Variants in MGAT4C observed in about 807,000 individuals in gnomAD.
MGAT4C encodes MGAT4 family member C.
A neutral mutation model predicts 40.1 loss-of-function variants in MGAT4C; 19 were observed. That is an observed-to-expected ratio of 0.47 (90% CI 0.33 to 0.70). MGAT4C has a LOEUF of 0.70. Among genes scored for constraint, MGAT4C ranks in the 30% least tolerant of loss-of-function variants. The probability of loss-of-function intolerance (pLI) is 0.02; values close to 1 mark genes in which losing one functional copy is unlikely to be tolerated. For synonymous variants in MGAT4C, 181 were observed against 187.1 expected (o/e 0.97, Z 0.27); for missense variants, 491 against 563.2 (o/e 0.87, Z 1.30).
intron 3 of MGAT4C, among the ~76,000 whole-genome samples, chr12:86,382,695 G>A (rs1351841527): frequency 1.3e-5 from 2 of 152,188 alleles, no homozygotes; most frequent in South Asian, 2.1e-4. Flanking sequence ...GCAGTCTAGG[G>A]ACTTGGTGCC....
At chr12:86,672,925 A>G (rs1373745145) in intron 2 of MGAT4C, among the ~76,000 whole-genome samples, 1 of 152,126 alleles carries the variant, frequency 6.6e-6, no homozygotes, top group Non-Finnish European at 1.5e-5. Context: ...TATTATTTAG[A>G]TTTAAAAAGA....
At chr12:86,754,970 C>T (rs1326575452) in intron 1 of MGAT4C, among the ~76,000 whole-genome samples, 1 of 152,006 alleles carries the variant, frequency 6.6e-6, no homozygotes, top group East Asian at 1.9e-4. Flanking sequence ...TTCTTCACAA[C>T]ACAATGATGA....
intron 3 of MGAT4C, among the ~76,000 whole-genome samples, chr12:85,987,282 G>A (rs1162357097): frequency 2.0e-5 from 3 of 149,406 alleles, no homozygotes; most frequent in African/African-American, 7.3e-5. Context: ...GGCTACAGGC[G>A]CCCGCCACTA....
At chr12:86,025,178 C>T (rs190260757) in intron 2 of MGAT4C, among the ~76,000 whole-genome samples, 258 of 150,794 alleles carry the variant, frequency 1.7e-3, no homozygotes, top group Middle Eastern at 7.0e-3. Context: ...TTTTTCAATT[C>T]CCCCCATGGT....
chr12:86,077,922 G>T (rs1052341165), intron 1 of MGAT4C, among the ~76,000 whole-genome samples: 1 of 152,168 alleles, frequency 6.6e-6, no homozygotes, highest in Admixed American at 6.5e-5. Flanking sequence ...TGCAGAAGGA[G>T]CCCAAAATGT....
At chr12:86,678,832 T>G (rs1250481698) in intron 2 of MGAT4C, among the ~76,000 whole-genome samples, 1 of 152,122 alleles carries the variant, frequency 6.6e-6, no homozygotes, top group Non-Finnish European at 1.5e-5. Context: ...TCTATCATTG[T>G]TGGATATTTG....
rs142159007 is a variant in MGAT4C at position 86,766,414 on chromosome 12, T to C, written c.-261-39173A>G. ...AGAGACTTAGACTCCCATACATTAA[T>C]AATGGGAGACTTTAACACCCCACTG... On this transcript the variant is annotated intron_variant, in intron 1 of 7. Coordinates refer to the MGAT4C transcript ENST00000548651. Among the ~76,000 whole-genome samples, 1,438 of 152,206 alleles carry C rather than the reference T, an allele frequency of 9.4e-3. 17 individuals are homozygous for C. Among genetic ancestry groups the C allele is most frequent in the African/African-American group, 0.033 (1,373 of 41,510 alleles).
chr12:86,632,960 G>A (rs1280647538), intron 2 of MGAT4C, among the ~76,000 whole-genome samples: 2 of 151,758 alleles, frequency 1.3e-5, no homozygotes, highest in Non-Finnish European at 2.9e-5. Context: ...TAATGTCAAA[G>A]GTACAATATT....
chr12:86,555,641 T>G (rs1959574760), intron 2 of MGAT4C, among the ~76,000 whole-genome samples: 1 of 152,198 alleles, frequency 6.6e-6, no homozygotes, highest in African/African-American at 2.4e-5. Flanking sequence ...GATTGTATCT[T>G]GAGTTAAAAG....
chr12:86,445,295 C>T (rs888891724), intron 2 of MGAT4C, among the ~76,000 whole-genome samples: 11 of 152,086 alleles, frequency 7.2e-5, no homozygotes, highest in Admixed American at 2.0e-4. Context: ...TGTTCAAAAT[C>T]TTCACAAAAT....
At chr12:86,072,470 C>T (rs1868743680) in intron 1 of MGAT4C, among the ~76,000 whole-genome samples, 1 of 151,930 alleles carries the variant, frequency 6.6e-6, no homozygotes, top group Admixed American at 6.6e-5. Context: ...TACAAGTATA[C>T]AACATACATC....
intron 2 of MGAT4C, among the ~76,000 whole-genome samples, chr12:86,023,347 C>T (rs1889945810): frequency 6.6e-6 from 1 of 151,318 alleles, no homozygotes; most frequent in Non-Finnish European, 1.5e-5. Context: ...TCCACCAAGT[C>T]GTTTTAGAGA....
At chr12:86,523,053 G>A (rs2136361915) in intron 2 of MGAT4C, among the ~76,000 whole-genome samples, 1 of 151,856 alleles carries the variant, frequency 6.6e-6, no homozygotes, top group African/African-American at 2.4e-5. Flanking sequence ...ACAATTCCTG[G>A]ATTAGTTGAT....
At chr12:86,767,187 C>A (rs1460857012) in intron 1 of MGAT4C, among the ~76,000 whole-genome samples, 2 of 152,108 alleles carry the variant, frequency 1.3e-5, no homozygotes, top group East Asian at 1.9e-4. Flanking sequence ...GGGGTTATCA[C>A]CACTGATCCC....
intron 1 of MGAT4C, among the ~76,000 whole-genome samples, chr12:86,191,144 G>A (rs983792410): frequency 1.6e-4 from 23 of 148,008 alleles, no homozygotes; most frequent in African/African-American, 5.7e-4. Flanking sequence ...CCCCTATAGG[G>A]TCTGTTTCTC....
At chr12:86,421,020 C>A (rs1272141361) in intron 3 of MGAT4C, among the ~76,000 whole-genome samples, 2 of 151,850 alleles carry the variant, frequency 1.3e-5, no homozygotes, top group Admixed American at 1.3e-4. Context: ...TTTCAAAACT[C>A]CTTTTATAGT....
At chr12:86,331,089 G>A (rs1482763610) in intron 4 of MGAT4C, among the ~76,000 whole-genome samples, 1 of 152,110 alleles carries the variant, frequency 6.6e-6, no homozygotes, top group African/African-American at 2.4e-5. Context: ...GAGCAGGGGT[G>A]AAAGTTAATT....
intron 2 of MGAT4C, among the ~76,000 whole-genome samples, chr12:86,525,182 T>C (rs758241370): frequency 1.3e-5 from 2 of 152,182 alleles, no homozygotes; most frequent in Non-Finnish European, 2.9e-5. Context: ...GGACGCAGTT[T>C]CCTCCATGCT....
At position 86,170,636 on chromosome 12, in the gene MGAT4C, G is replaced by T. The variant is rs564902449; in HGVS notation, c.-57+85603C>A. Among the ~76,000 whole-genome samples, 6 of 152,224 alleles carry T rather than the reference G, an allele frequency of 3.9e-5. No homozygotes were observed. In the East Asian group the frequency reaches 1.2e-3, roughly 29 times the overall value. On this transcript the variant is annotated intron_variant, in intron 1 of 4. Coordinates refer to ENST00000611864, the MANE Select transcript of MGAT4C (RefSeq NM_001351288.2). ...ATTTTCCAAAGATAACAGACCTGAT[G>T]AATAATTATTCCTATGTTTAATAAT...
Sources: allele counts gnomAD v4.1 joint callset (sites outside exome capture counted in the v4.1 genomes callset), GRCh38; gene constraint gnomAD v4.1.1; transcripts MANE v1.5; gene names NCBI Gene and HGNC (gene_info 2026-07-23, HGNC 2026-07-21).